CDKN2B-AS1: variants seen among roughly 807,000 people sequenced by gnomAD.
The protein encoded by CDKN2B-AS1 is CDKN2B antisense RNA 1 (non-protein coding).
rs1820759062 is a variant in CDKN2B-AS1 at position 21,997,944 on chromosome 9, T to C, written n.29+2783T>C. Among the ~76,000 whole-genome samples, 1 of 152,144 alleles carries C rather than the reference T, an allele frequency of 6.6e-6. No individual in the cohort carries two copies. Among genetic ancestry groups the C allele is most frequent in the Admixed American group, 6.5e-5 (1 of 15,280 alleles). ...TCTATCTTTGTTTATTGGAGCCATA[T>C]AGCTCAAAGTATAATCATTTTCTCT... On this transcript the variant is annotated intron_variant and non_coding_transcript_variant, in intron 1 of 4. Coordinates refer to ENST00000650946, the Ensembl canonical transcript of CDKN2B-AS1. This position sits in a 1 kb window ranked among gnomAD's most constrained non-coding sequence, Gnocchi z 4.8.
In CDKN2B-AS1 at chr9:22,077,652, G is replaced by GGTCACA. The variant is rs574937977; in HGVS notation, n.438+21266_438+21271dup. 2.0e-5 allele frequency: 3 copies of GGTCACA among 152,248 alleles called. No individual in the cohort carries two copies. The South Asian group carries it at 6.2e-4, about 32-fold the overall frequency. The allele number at this position is 152,248 out of a possible 1,614,324, so 9.4% of individuals were successfully genotyped here. ...AAAAAAAATCAAAATAATTTTTCTTGGTCACATTTAGCTCCTTTTCTTCCA... is the reference window on the plus strand; with the variant it reads ...AAAAAAAATCAAAATAATTTTTCTTGGTCACAGTCACATTTAGCTCCTTTTCTTCCA... On this transcript the variant is annotated intron_variant and non_coding_transcript_variant, in intron 4 of 4. Coordinates refer to ENST00000650946, the Ensembl canonical transcript of CDKN2B-AS1.
intron 1 of CDKN2B-AS1, among the ~76,000 whole-genome samples, chr9:22,015,605 A>C (rs900942155): frequency 4.6e-5 from 7 of 152,090 alleles, no homozygotes; most frequent in African/African-American, 1.7e-4. Flanking sequence ...ACATGAATTT[A>C]TTCCCCCATT....
At chr9:22,049,914 C>A (rs1413022798) in intron 3 of CDKN2B-AS1, among the ~76,000 whole-genome samples, 1 of 152,004 alleles carries the variant, frequency 6.6e-6, no homozygotes, top group East Asian at 1.9e-4. Context: ...GGCTTCCTAG[C>A]AATCATAAAA....
intron 4 of CDKN2B-AS1, among the ~76,000 whole-genome samples, chr9:22,080,470 G>A (rs1172852891): frequency 6.6e-6 from 1 of 152,248 alleles, no homozygotes; most frequent in Admixed American, 6.5e-5. Context: ...ACACTGTGGA[G>A]GGGCAGCGGG....
At chr9:22,026,019 C>A (rs1822222232) in intron 1 of CDKN2B-AS1, among the ~76,000 whole-genome samples, 1 of 151,964 alleles carries the variant, frequency 6.6e-6, no homozygotes, top group Non-Finnish European at 1.5e-5. Flanking sequence ...TCAGAGAACA[C>A]CAGTTGGGGT....
At position 22,116,124 on chromosome 9, in the gene CDKN2B-AS1, T is replaced by C. The variant is rs548499002; in HGVS notation, n.439-10979T>C. 4.1e-4 allele frequency among the ~76,000 whole-genome samples: 63 copies of C among 152,386 alleles called. No individual in the cohort carries two copies. The South Asian group carries it at 4.6e-3, about 11-fold the overall frequency. ...ACATTGGACATGATCAACTTCTTAC[T>C]GTTTTGACAAACATCTGAGGATACT... On this transcript the variant is annotated intron_variant and non_coding_transcript_variant, in intron 4 of 4. Coordinates refer to ENST00000650946, the Ensembl canonical transcript of CDKN2B-AS1.
intron 1 of CDKN2B-AS1, among the ~76,000 whole-genome samples, chr9:22,024,715 A>G (rs1822160618): frequency 6.6e-6 from 1 of 152,174 alleles, no homozygotes; most frequent in Non-Finnish European, 1.5e-5. Flanking sequence ...AACTAAAGCA[A>G]ATTCCACCTG....
At chr9:22,049,824 C>T (rs1017336300) in intron 3 of CDKN2B-AS1, among the ~76,000 whole-genome samples, 5 of 152,224 alleles carry the variant, frequency 3.3e-5, no homozygotes, top group East Asian at 3.9e-4. Flanking sequence ...ATCTGTAAAG[C>T]GTTTCATAGA....
chr9:22,126,570 G>T (rs1818026802), intron 4 of CDKN2B-AS1, among the ~76,000 whole-genome samples: 1 of 128,264 alleles, frequency 7.8e-6, no homozygotes, highest in Admixed American at 8.0e-5. Flanking sequence ...GGAGTAAGTG[G>T]ATTCTTTTTT....
chr9:22,060,861 T>C (rs1404458691), intron 4 of CDKN2B-AS1, among the ~76,000 whole-genome samples: 2 of 152,126 alleles, frequency 1.3e-5, no homozygotes, highest in Non-Finnish European at 2.9e-5. Context: ...CCATCAGATC[T>C]CGTGAGACTT....
intron 4 of CDKN2B-AS1, among the ~76,000 whole-genome samples, chr9:22,066,003 T>C (rs938369457): frequency 6.6e-6 from 1 of 152,176 alleles, no homozygotes; most frequent in Non-Finnish European, 1.5e-5. Flanking sequence ...TGAAATAGCA[T>C]TGATTTTGTT....
At chr9:22,059,522 C>T (rs1823721839) in intron 4 of CDKN2B-AS1, among the ~76,000 whole-genome samples, 1 of 152,178 alleles carries the variant, frequency 6.6e-6, no homozygotes, top group Non-Finnish European at 1.5e-5. Flanking sequence ...CAGCCTCCCT[C>T]CAATCTGCTT....
intron 3 of CDKN2B-AS1, among the ~76,000 whole-genome samples, chr9:22,052,448 G>C (rs866651951): frequency 3.3e-5 from 5 of 152,176 alleles, no homozygotes; most frequent in African/African-American, 7.2e-5. Context: ...TTCTCAAGAA[G>C]AAGGAATTTA....
At chr9:22,089,356 T>C (rs1414746006) in intron 4 of CDKN2B-AS1, among the ~76,000 whole-genome samples, 1 of 152,194 alleles carries the variant, frequency 6.6e-6, no homozygotes, top group Non-Finnish European at 1.5e-5. Flanking sequence ...TTAAAAGAAT[T>C]AGAAAAATTT....
chr9:22,020,235 A>G (rs1276437070), intron 1 of CDKN2B-AS1, among the ~76,000 whole-genome samples: 1 of 152,204 alleles, frequency 6.6e-6, no homozygotes, highest in Non-Finnish European at 1.5e-5. Context: ...ATAGTATTCC[A>G]TGGTGTATAT....
intron 1 of CDKN2B-AS1, chr9:22,012,049 A>G: frequency 5.2e-6 from 3 of 577,940 alleles, no homozygotes; most frequent in Non-Finnish European, 6.3e-6. Context: ...TAATATTTTT[A>G]TATTCTAGTT....
At chr9:21,998,749 A>G (rs938547141) in intron 1 of CDKN2B-AS1, among the ~76,000 whole-genome samples, 3 of 152,140 alleles carry the variant, frequency 2.0e-5, no homozygotes, top group Non-Finnish European at 4.4e-5. Context: ...TCCTCCCCAA[A>G]CTTAATGTCC....
intron 1 of CDKN2B-AS1, among the ~76,000 whole-genome samples, chr9:22,015,109 C>G (rs1050379268): frequency 2.0e-5 from 3 of 151,916 alleles, no homozygotes; most frequent in African/African-American, 7.3e-5. Context: ...ATTTATAATC[C>G]TTTGGGTATA....
At chr9:22,080,190 A>G (rs1348371991) in intron 4 of CDKN2B-AS1, among the ~76,000 whole-genome samples, 1 of 152,188 alleles carries the variant, frequency 6.6e-6, no homozygotes, top group Non-Finnish European at 1.5e-5. Flanking sequence ...AGCCCTGTTT[A>G]TGTGTGAAAG....
Sources: allele counts gnomAD v4.1 joint callset (sites outside exome capture counted in the v4.1 genomes callset), GRCh38; gene constraint gnomAD v4.1.1; non-coding constraint Gnocchi (gnomAD v3.1); transcripts MANE v1.5; gene names NCBI Gene and HGNC (gene_info 2026-07-23, HGNC 2026-07-21).